BAZ2B: variants seen among roughly 807,000 people sequenced by gnomAD.
BAZ2B encodes bromodomain adjacent to zinc finger domain 2B, also known as bromodomain adjacent to zinc finger domain protein 2B.
A neutral mutation model predicts 246.0 loss-of-function variants in BAZ2B; 91 were observed. That is an observed-to-expected ratio of 0.37 (90% CI 0.31 to 0.44). The LOEUF (loss-of-function observed/expected upper bound fraction) is 0.44. Among genes scored for constraint, BAZ2B ranks in the 20% least tolerant of loss-of-function variants. The pLI, the probability that BAZ2B is intolerant of heterozygous loss-of-function variation, is 1.00. For missense variants in BAZ2B, 2,332 were observed against 2,533.7 expected (o/e 0.92, Z 1.71); for synonymous variants, 855 against 860.0 (o/e 0.99, Z 0.10).
At chr2:159,565,864 A>G (rs1489538461) in intron 1 of BAZ2B, among the ~76,000 whole-genome samples, 3 of 152,126 alleles carry the variant, frequency 2.0e-5, no homozygotes, top group Non-Finnish European at 4.4e-5. Flanking sequence ...GGTAATAAAT[A>G]TAAGACATGA....
At chr2:159,680,285 G>C in the BAZ2B span, among the ~76,000 whole-genome samples, 192 of 152,240 alleles carry the variant, frequency 1.3e-3, 1 homozygote, top group African/African-American at 4.4e-3. Flanking sequence ...TATCCATTGC[G>C]TTAAGCTAAT....
chr2:159,320,504 GA>G (rs2062587167), intron 36 of BAZ2B, 86 bp from the exon 37 acceptor site: 1 of 1,157,408 alleles, frequency 8.6e-7, no homozygotes, highest in African/African-American at 1.7e-5. Context: ...GGGTAAAAAT[GA>G]AAGAAAAATG....
the BAZ2B span, among the ~76,000 whole-genome samples, chr2:159,670,064 G>A: frequency 2.6e-5 from 4 of 151,832 alleles, no homozygotes; most frequent in South Asian, 4.2e-4. Context: ...TCCGCCTCCC[G>A]GGTTCAAGTG....
chr2:159,690,142 A>G, the BAZ2B span: 1 of 485,704 alleles, frequency 2.1e-6, no homozygotes. Flanking sequence ...TCTTGAGGCC[A>G]TCAGATGCAG....
chr2:159,574,773 C>T (rs1684895492), intron 1 of BAZ2B, among the ~76,000 whole-genome samples: 1 of 151,820 alleles, frequency 6.6e-6, no homozygotes, highest in Non-Finnish European at 1.5e-5. Context: ...ATGACGAGGT[C>T]AAAAATTCGA....
intron 34 of BAZ2B, among the ~76,000 whole-genome samples, chr2:159,326,428 T>A (rs2148827081): frequency 6.6e-6 from 1 of 152,340 alleles, no homozygotes; most frequent in South Asian, 2.1e-4. Flanking sequence ...TTGATTTTTT[T>A]TCCTGGATAA....
chr2:159,324,930 A>G lies in BAZ2B; in HGVS notation c.6234T>C (p.Thr2078=). ...GTAGAAAAGGCCATGCATCCTCATG[A>G]GTTTCCATTTCAGTCAGAATCATAC... ...LCSMILTEME[T]HEDAWPFLLP... is the part of the protein sequence containing the mutation. Residue 2078 remains threonine, a synonymous_variant, in exon 36 of 37, where the codon ACT becomes ACC. Transcript: ENST00000392783. 1.3e-6 allele frequency: 2 copies of G among 1,548,162 alleles called. No individual in the cohort carries two copies.
In BAZ2B at chr2:159,506,426, G is replaced by A. The variant is rs149331274; in HGVS notation, c.-2-27705C>T. Among the ~76,000 whole-genome samples, 115 of 152,218 alleles carry A rather than the reference G, an allele frequency of 7.6e-4. 1 individual carries two copies. In the East Asian group the frequency reaches 0.018, roughly 23 times the overall value. On this transcript the variant is annotated intron_variant, in intron 2 of 36. Transcript: ENST00000392783. ...CCACAAAGTTCCATTTCAACATCAT[G>A]TCTAAGGAATGATTAACAAGCAGAT...
the BAZ2B span, among the ~76,000 whole-genome samples, chr2:159,644,163 G>A: frequency 6.6e-6 from 1 of 152,150 alleles, no homozygotes; most frequent in African/African-American, 2.4e-5. Flanking sequence ...TATTCATCTT[G>A]AGGAAAAATT....
At chr2:159,533,201 A>G (rs528009135) in intron 2 of BAZ2B, among the ~76,000 whole-genome samples, 2 of 152,340 alleles carry the variant, frequency 1.3e-5, no homozygotes, top group East Asian at 3.9e-4. Flanking sequence ...CTAAAGTGGT[A>G]TCAAGAGTTG....
Position 159,614,915 on chromosome 2 carries a change from A to G in BAZ2B, c.-46+1327T>C, listed in dbSNP as rs113155645. Among the ~76,000 whole-genome samples, 433 of 152,278 alleles carry G rather than the reference A, an allele frequency of 2.8e-3. 1 individual carries two copies. Among genetic ancestry groups the G allele is most frequent in the African/African-American group, 9.7e-3 (404 of 41,546 alleles). ...CCCTGAACATTCCCTAAACTTTGAG[A>G]CTTATCCAGACACACTTCCTAATAC... On this transcript the variant is annotated intron_variant, in intron 1 of 36. Transcript: ENST00000392783.
At chr2:159,539,428 C>T (rs2086394170) in intron 2 of BAZ2B, among the ~76,000 whole-genome samples, 2 of 152,314 alleles carry the variant, frequency 1.3e-5, no homozygotes, top group South Asian at 4.1e-4. Flanking sequence ...AATATAAATT[C>T]ATACACAGCA....
chr2:159,588,929 A>G (rs183582404), intron 1 of BAZ2B, among the ~76,000 whole-genome samples: 1 of 152,230 alleles, frequency 6.6e-6, no homozygotes, highest in Non-Finnish European at 1.5e-5. Flanking sequence ...GGAGATATAC[A>G]TAAGCAAAAA....
intron 2 of BAZ2B, among the ~76,000 whole-genome samples, chr2:159,532,197 T>C (rs2085450226): frequency 6.6e-6 from 1 of 152,198 alleles, no homozygotes; most frequent in Non-Finnish European, 1.5e-5. Context: ...TTTTTTAACA[T>C]TTTAAACAAG....
intron 2 of BAZ2B, among the ~76,000 whole-genome samples, chr2:159,489,715 C>T (rs770705119): frequency 5.3e-5 from 8 of 151,802 alleles, no homozygotes; most frequent in Admixed American, 2.6e-4. Flanking sequence ...CCAGCCTAGG[C>T]AAATTAGAAG....
At chr2:159,549,645 A>T (rs1012471764) in intron 2 of BAZ2B, among the ~76,000 whole-genome samples, 12 of 152,170 alleles carry the variant, frequency 7.9e-5, no homozygotes, top group African/African-American at 2.9e-4. Context: ...GTTTTGATAA[A>T]GTTTCCAAAT....
chr2:159,577,517 A>G (rs1685639014), intron 1 of BAZ2B, among the ~76,000 whole-genome samples: 1 of 152,220 alleles, frequency 6.6e-6, no homozygotes, highest in Admixed American at 6.5e-5. Context: ...AAAACAAAGA[A>G]CTAAAAGAGG....
intron 2 of BAZ2B, among the ~76,000 whole-genome samples, chr2:159,539,707 CTG>C (rs2086430510): frequency 6.6e-6 from 1 of 152,212 alleles, no homozygotes; most frequent in Admixed American, 6.5e-5. Flanking sequence ...GAGACCCTGT[CTG>C]TATTTAATTT....
chr2:159,601,804 T>G (rs1403958652), intron 1 of BAZ2B, among the ~76,000 whole-genome samples: 1 of 152,080 alleles, frequency 6.6e-6, no homozygotes, highest in African/African-American at 2.4e-5. Context: ...AAAGGTAATA[T>G]CATAAAAAAA....
Sources: allele counts gnomAD v4.1 joint callset (sites outside exome capture counted in the v4.1 genomes callset), GRCh38; gene constraint gnomAD v4.1.1; transcripts MANE v1.5; gene names NCBI Gene and HGNC (gene_info 2026-07-23, HGNC 2026-07-21).